Variants in SLC2A9 observed in about 807,000 individuals in gnomAD.
The protein encoded by SLC2A9 is solute carrier family 2, facilitated glucose transporter member 9.
Under a neutral mutation model 50.6 loss-of-function variants are expected in SLC2A9, and 39 were observed. That is an observed-to-expected ratio of 0.77 (90% CI 0.60 to 1.01). SLC2A9 has a LOEUF of 1.01. SLC2A9 is among the 50% of genes least tolerant of loss of function. The pLI is 0.00. For missense variants in SLC2A9, 686 were observed against 677.6 expected (o/e 1.01, Z -0.14); for synonymous variants, 324 against 276.9 (o/e 1.17, Z -1.69).
At chr4:9,939,841 C>T (rs914559792) in intron 6 of SLC2A9, among the ~76,000 whole-genome samples, 1 of 152,110 alleles carries the variant, frequency 6.6e-6, no homozygotes, top group African/African-American at 2.4e-5. Context: ...ACCCAACATG[C>T]TAAATATCCA....
chr4:10,024,940 C>G (rs767368967), upstream of SLC2A9, among the ~76,000 whole-genome samples: 6 of 152,154 alleles, frequency 3.9e-5, no homozygotes, highest in South Asian at 2.1e-4. Context: ...ATGTAAGCAC[C>G]AAGAAAAGAT....
upstream of SLC2A9, chr4:10,021,524 G>A (rs1467980967): frequency 6.3e-7 from 1 of 1,577,770 alleles, no homozygotes; most frequent in African/African-American, 1.3e-5. Flanking sequence ...CTGGAAGGAG[G>A]GCGGGAGTTC....
intron 5 of SLC2A9, among the ~76,000 whole-genome samples, chr4:9,960,535 A>G (rs1424444046): frequency 1.3e-5 from 2 of 152,180 alleles, no homozygotes; most frequent in Admixed American, 1.3e-4. Context: ...GCTCCTCCCC[A>G]TGTACCCCTA....
intron 1 of SLC2A9, chr4:10,034,662 T>C (rs1764041387): frequency 6.6e-6 from 1 of 152,314 alleles, no homozygotes; most frequent in Non-Finnish European, 1.5e-5. Flanking sequence ...TGTGTCCTCA[T>C]CTGTAAACAG....
chr4:9,776,866 C>T (rs1302702636), downstream of SLC2A9, among the ~76,000 whole-genome samples: 1 of 152,194 alleles, frequency 6.6e-6, no homozygotes, highest in African/African-American at 2.4e-5. Flanking sequence ...ACCATGGCAA[C>T]AGGGCTCACC....
intron 10 of SLC2A9, among the ~76,000 whole-genome samples, chr4:9,878,453 T>C (rs1403272006): frequency 6.6e-6 from 1 of 152,014 alleles, no homozygotes; most frequent in Non-Finnish European, 1.5e-5. Context: ...GGAGCCTCCA[T>C]AGAAACGTCT....
chr4:9,941,009 C>T (rs1381591126), intron 6 of SLC2A9, among the ~76,000 whole-genome samples: 4 of 152,136 alleles, frequency 2.6e-5, no homozygotes, highest in African/African-American at 4.8e-5. Context: ...ATGTCATTTC[C>T]TTTTTACAGA....
intron 3 of SLC2A9, among the ~76,000 whole-genome samples, chr4:9,800,193 G>GA (rs1721203402): frequency 6.6e-6 from 1 of 152,186 alleles, no homozygotes; most frequent in Non-Finnish European, 1.5e-5. Flanking sequence ...AGTGAAGCTT[G>GA]AACTCAGTGC....
chr4:9,802,710 C>A (rs961429603), intron 3 of SLC2A9, among the ~76,000 whole-genome samples: 1 of 151,882 alleles, frequency 6.6e-6, no homozygotes, highest in South Asian at 2.1e-4. Context: ...AGGTGCCCAC[C>A]ACTACGCCTG....
chr4:9,825,533 G>GTT (rs912124096), downstream of SLC2A9, among the ~76,000 whole-genome samples: 15 of 2,130 alleles, frequency 7.0e-3, no homozygotes, highest in African/African-American at 0.017. Context: ...TAATCACAAT[G>GTT]TTTTTTTTTT....
chr4:9,793,479 A>G (rs1036638785), intron 3 of SLC2A9, among the ~76,000 whole-genome samples: 16 of 152,232 alleles, frequency 1.1e-4, no homozygotes, highest in Non-Finnish European at 2.4e-4. Context: ...CTTTCCACAT[A>G]AAAGAAGTTG....
At chr4:9,801,556 C>G (rs532949613) in intron 3 of SLC2A9, among the ~76,000 whole-genome samples, 1 of 152,198 alleles carries the variant, frequency 6.6e-6, no homozygotes, top group Non-Finnish European at 1.5e-5. Context: ...CCCAGTGAGT[C>G]TCATCCCCAT....
At chr4:9,990,136 C>T (rs1757439701) in intron 3 of SLC2A9, among the ~76,000 whole-genome samples, 1 of 152,116 alleles carries the variant, frequency 6.6e-6, no homozygotes, top group Non-Finnish European at 1.5e-5. Context: ...GGGACTTTGG[C>T]AGCTTTGCTC....
At chr4:9,860,961 A>G (rs886783656) in intron 10 of SLC2A9, among the ~76,000 whole-genome samples, 7 of 152,136 alleles carry the variant, frequency 4.6e-5, no homozygotes, top group Non-Finnish European at 1.0e-4. Flanking sequence ...CTCCATGATC[A>G]ACTCTGTGGA....
chr4:9,862,870 GC>G (rs1731868939), intron 10 of SLC2A9, among the ~76,000 whole-genome samples: 1 of 151,934 alleles, frequency 6.6e-6, no homozygotes. Context: ...TGTGTCATTC[GC>G]TGGGGTATCT....
chr4:9,876,055 G>C (rs1734270907), intron 10 of SLC2A9, among the ~76,000 whole-genome samples: 2 of 152,250 alleles, frequency 1.3e-5, no homozygotes, highest in South Asian at 2.1e-4. Flanking sequence ...ACAGGGGTGA[G>C]AACTGGTTCT....
intron 7 of SLC2A9, among the ~76,000 whole-genome samples, chr4:9,917,605 A>G (rs1211607563): frequency 6.6e-6 from 1 of 152,196 alleles, no homozygotes; most frequent in Non-Finnish European, 1.5e-5. Context: ...TGCTGGGATT[A>G]CAGGCACAAG....
Position 9,946,108 on chromosome 4 carries a change from A to C in SLC2A9, c.682-4063T>G, listed in dbSNP as rs545246276. Reference sequence around the variant, plus strand: ...CCTGCTGGGTTTGGTAAAGCCCTAGAGCGTCCATCTAGGAGAACACAGGCA... The same window carrying C: ...CCTGCTGGGTTTGGTAAAGCCCTAGCGCGTCCATCTAGGAGAACACAGGCA... On this transcript the variant is annotated intron_variant, in intron 5 of 11. Transcript: ENST00000264784. Among the ~76,000 whole-genome samples, 4 of 152,300 alleles carry C rather than the reference A, an allele frequency of 2.6e-5. No homozygotes were observed. The South Asian group carries it at 8.3e-4, about 32-fold the overall frequency.
intron 10 of SLC2A9, among the ~76,000 whole-genome samples, chr4:9,852,621 A>G (rs1237127451): frequency 6.6e-6 from 1 of 152,226 alleles, no homozygotes; most frequent in East Asian, 1.9e-4. Context: ...CTTCATAAAC[A>G]AAGGAGAAAT....
Sources: allele counts gnomAD v4.1 joint callset (sites outside exome capture counted in the v4.1 genomes callset), GRCh38; gene constraint gnomAD v4.1.1; transcripts MANE v1.5; gene names NCBI Gene and HGNC (gene_info 2026-07-23, HGNC 2026-07-21).